Variants in MSL2 observed in about 807,000 individuals in gnomAD.
MSL2 encodes MSL complex subunit 2.
A neutral mutation model predicts 35.8 loss-of-function variants in MSL2; 2 were observed. The ratio of observed to expected loss-of-function variants is 0.06; its 90% confidence interval spans 0.02 to 0.18. MSL2 has a LOEUF of 0.18. MSL2 is among the 10% of genes least tolerant of loss of function. The pLI is 1.00. For synonymous variants in MSL2, 296 were observed against 255.7 expected (o/e 1.16, Z -1.50); for missense variants, 523 against 706.7 (o/e 0.74, Z 2.95).
chr3:136,184,993 G>A (rs1227278531), intron 1 of MSL2, among the ~76,000 whole-genome samples: 1 of 150,778 alleles, frequency 6.6e-6, no homozygotes, highest in Non-Finnish European at 1.5e-5. Flanking sequence ...ATTTTTTTTT[G>A]AGACTGAGTC....
At chr3:136,180,060 G>A (rs946965264) in intron 1 of MSL2, among the ~76,000 whole-genome samples, 13 of 151,604 alleles carry the variant, frequency 8.6e-5, no homozygotes, top group African/African-American at 2.7e-4. Flanking sequence ...GCGAGACTCC[G>A]TCTCAAAAAA....
chr3:136,169,874 T>C (rs758507204), intron 1 of MSL2, among the ~76,000 whole-genome samples: 1 of 151,914 alleles, frequency 6.6e-6, no homozygotes, highest in Non-Finnish European at 1.5e-5. Flanking sequence ...CTGGTCAACA[T>C]GGTAAAACCT....
At chr3:136,176,863 T>C (rs922151577) in intron 1 of MSL2, among the ~76,000 whole-genome samples, 2 of 152,112 alleles carry the variant, frequency 1.3e-5, no homozygotes, top group African/African-American at 4.8e-5. Flanking sequence ...ATAAATATCT[T>C]TTCTTTATAA....
At chr3:136,154,916 G>T (rs1022014852) in intron 1 of MSL2, among the ~76,000 whole-genome samples, 1 of 152,144 alleles carries the variant, frequency 6.6e-6, no homozygotes, top group Non-Finnish European at 1.5e-5. Flanking sequence ...TACATTTTAA[G>T]AAAGCGGCTG....
At chr3:136,152,819 T>A in intron 1 of MSL2, 81 bp from the exon 2 acceptor site, 1 of 1,517,962 alleles carries the variant, frequency 6.6e-7, no homozygotes, top group Non-Finnish European at 8.8e-7. Context: ...ATGACATAAG[T>A]AGTCTATCAA....
rs189207100 is a variant in MSL2, at chr3:136,195,191, G to A, written c.-78C>T. 4,474 of 1,544,952 alleles carry A rather than the reference G, an allele frequency of 2.9e-3. 242 individuals are homozygous for A. In the Admixed American group the frequency reaches 0.091, roughly 31 times the overall value. On this transcript the variant is annotated 5_prime_UTR_variant, in exon 1 of 2. Transcript: ENST00000309993. Reference sequence around the variant, plus strand: ...ACTTAGTAAGCAGCCAGGGAACGATGGCGAATTTGCAACAATTCGGAAGAA... The same window carrying A: ...ACTTAGTAAGCAGCCAGGGAACGATAGCGAATTTGCAACAATTCGGAAGAA...
At chr3:136,160,275 CAAAA>C (rs775528119) in intron 1 of MSL2, among the ~76,000 whole-genome samples, 3 of 18,758 alleles carry the variant, frequency 1.6e-4, no homozygotes, top group Non-Finnish European at 2.7e-4. Flanking sequence ...GACTCTGTCT[CAAAA>C]AAAAAAAAAA....
chr3:136,165,189 A>C (rs2108071049), intron 1 of MSL2, among the ~76,000 whole-genome samples: 1 of 151,888 alleles, frequency 6.6e-6, no homozygotes, highest in Admixed American at 6.6e-5. Context: ...CTTTTAAAAA[A>C]AAATGTAAAG....
intron 1 of MSL2, among the ~76,000 whole-genome samples, chr3:136,170,166 AC>A (rs1462031995): frequency 1.3e-5 from 2 of 151,310 alleles, no homozygotes; most frequent in Admixed American, 6.6e-5. Context: ...ACATGGTGAA[AC>A]CCCGTCTCTA....
chr3:136,182,167 G>T (rs963435693), intron 1 of MSL2, among the ~76,000 whole-genome samples: 4 of 152,126 alleles, frequency 2.6e-5, no homozygotes, highest in Non-Finnish European at 4.4e-5. Context: ...CAATAAGGAA[G>T]CCATTACACT....
chr3:136,195,591 G>A lies in MSL2; in HGVS notation c.-478C>T, dbSNP rs1011806345. On this transcript the variant is annotated 5_prime_UTR_variant, in exon 1 of 2. Transcript: ENST00000309993. ...CTGCAGGGCCTCTTACTCCATCCCA[G>A]TACAGGGCGCGGAGGCGGCGGCGAC... 11 of 987,274 alleles carry A rather than the reference G, an allele frequency of 1.1e-5. No individual in the cohort carries two copies. The South Asian group carries it at 3.2e-4, about 29-fold the overall frequency. The allele number at this position is 987,274 out of a possible 1,614,324, so 61.2% of individuals were successfully genotyped here.
intron 1 of MSL2, among the ~76,000 whole-genome samples, chr3:136,188,696 A>G (rs1940592261): frequency 6.9e-6 from 1 of 144,790 alleles, no homozygotes. Context: ...ACTGCACTCC[A>G]GCCTGGGGAA....
intron 1 of MSL2, among the ~76,000 whole-genome samples, chr3:136,169,335 C>A (rs1365363226): frequency 6.8e-6 from 1 of 146,104 alleles, no homozygotes; most frequent in African/African-American, 2.5e-5. Flanking sequence ...AAGCATATAA[C>A]CTGTAACAAT....
chr3:136,195,876 CG>C lies in MSL2; in HGVS notation c.-764del, dbSNP rs1361098729. ...GCCGCCGCCGGCGGGCGGGAGGGGG[CG>C]GGGGGCAAGCCCGGCCGGGCCGCGG... On this transcript the variant is annotated 5_prime_UTR_variant, in exon 1 of 2. Coordinates refer to ENST00000309993, the MANE Select transcript of MSL2 (RefSeq NM_018133.4). The C allele has an allele frequency of 8.6e-6, 8 of 932,850 alleles. No individual in the cohort carries two copies. Among genetic ancestry groups the C allele is most frequent in the Non-Finnish European group, 8.9e-6 (7 of 784,134 alleles). The allele number at this position is 932,850 out of a possible 1,614,324, so 57.8% of individuals were successfully genotyped here.
At chr3:136,156,963 G>C (rs1259319749) in intron 1 of MSL2, among the ~76,000 whole-genome samples, 1 of 152,142 alleles carries the variant, frequency 6.6e-6, no homozygotes, top group African/African-American at 2.4e-5. Context: ...GTTGTAAACC[G>C]AGTGATAAAA....
At chr3:136,190,437 T>G (rs1054861852) in intron 1 of MSL2, among the ~76,000 whole-genome samples, 2 of 151,776 alleles carry the variant, frequency 1.3e-5, no homozygotes, top group African/African-American at 4.8e-5. Context: ...ACACCTGTAG[T>G]GTTAGCTACT....
chr3:136,183,788 G>C (rs1161787175), intron 1 of MSL2, among the ~76,000 whole-genome samples: 2 of 152,168 alleles, frequency 1.3e-5, no homozygotes, highest in African/African-American at 4.8e-5. Context: ...ATATAGTTCA[G>C]ATTTCAACTC....
chr3:136,152,928 TC>T, intron 1 of MSL2, 190 bp from the exon 2 acceptor site: 2 of 985,398 alleles, frequency 2.0e-6, no homozygotes, highest in Non-Finnish European at 2.4e-6. Context: ...CATGCCATAT[TC>T]CCCATTCAGT....
Position 136,193,678 on chromosome 3 carries a change from G to T in MSL2, c.142+1294C>A, listed in dbSNP as rs373550933. ...ATACACTTACATTTGTAAAACTTAA[G>T]CTGAAAGGAAACTGAATCTAGCCGA... On this transcript the variant is annotated intron_variant, in intron 1 of 1. Transcript: ENST00000309993. 8.1e-4 allele frequency among the ~76,000 whole-genome samples: 123 copies of T among 151,884 alleles called. 4 individuals carry two copies. In the South Asian group the frequency reaches 0.024, roughly 30 times the overall value.
Sources: gnomAD v4.1 joint callset for allele counts (sites outside exome capture counted in the v4.1 genomes callset) on GRCh38, gnomAD v4.1.1 for gene constraint, MANE v1.5 for transcripts, NCBI Gene and HGNC (gene_info 2026-07-23, HGNC 2026-07-21) for gene names.